PTP4A1: variants seen among roughly 807,000 people sequenced by gnomAD.
The protein encoded by PTP4A1 is protein tyrosine phosphatase 4A1, also known as protein tyrosine phosphatase type IVA 1.
PTP4A1 carries 9 observed loss-of-function variants against 20.5 expected under a neutral mutation model. That is an observed-to-expected ratio of 0.44 (90% CI 0.26 to 0.77). The LOEUF is 0.77. PTP4A1 is among the 30% of genes least tolerant of loss of function. PTP4A1 has a pLI of 0.19. For synonymous variants in PTP4A1, 78 were observed against 67.4 expected, an observed-to-expected ratio of 1.16 and a Z score of -0.77; for missense variants, 137 against 218.8, an observed-to-expected ratio of 0.63 and a Z score of 2.36.
upstream of PTP4A1, among the ~76,000 whole-genome samples, chr6:63,521,267 A>C (rs1774916214): frequency 6.6e-6 from 1 of 152,212 alleles, no homozygotes; most frequent in Non-Finnish European, 1.5e-5. Flanking sequence ...GAAAAGAAAA[A>C]AACGGCAAAT....
chr6:63,532,336 G>T lies in PTP4A1; in HGVS notation c.-640+4252G>T, dbSNP rs144799548. ...GTTGTTTTTTGATCTTTTCCTATAAGATTTTCCACAGTTTAGCTTCTGGAT... is the reference window on the plus strand; with the variant it reads ...GTTGTTTTTTGATCTTTTCCTATAATATTTTCCACAGTTTAGCTTCTGGAT... On this transcript the variant is annotated intron_variant, in intron 2 of 3. Coordinates refer to the PTP4A1 transcript ENST00000639568. Among the ~76,000 whole-genome samples the T allele has an allele frequency of 2.0e-3, 309 of 152,098 alleles. 1 individual carries two copies. Among genetic ancestry groups the T allele is most frequent in the Middle Eastern group, 0.014 (4 of 294 alleles).
chr6:63,576,027 T>A (rs1250198350), intron 1 of PTP4A1, among the ~76,000 whole-genome samples: 1 of 151,472 alleles, frequency 6.6e-6, no homozygotes, highest in Non-Finnish European at 1.5e-5. Flanking sequence ...ATAAAGTGTA[T>A]GTAATTACAA....
chr6:63,572,589 C>G lies in PTP4A1; in HGVS notation c.-576C>G, dbSNP rs955327684. The G allele has an allele frequency of 2.4e-6, 1 of 416,264 alleles. No homozygotes were observed. Among genetic ancestry groups the G allele is most frequent in the East Asian group, 3.5e-5 (1 of 28,484 alleles). The allele number at this position is 416,264 out of a possible 1,614,324, so 25.8% of individuals were successfully genotyped here. ...CTGGTGCCCCCGCCGCCGCCTGCAT[C>G]GCCGCCACCGCCGCTCCGCCACGAC... On this transcript the variant is annotated 5_prime_UTR_variant, in exon 1 of 6. It adds an upstream start codon to the 5' untranslated region. Transcript: ENST00000626021.
chr6:63,564,896 C>T (rs1172477630), intron 3 of PTP4A1, among the ~76,000 whole-genome samples: 2 of 152,220 alleles, frequency 1.3e-5, no homozygotes, highest in Admixed American at 6.5e-5. Flanking sequence ...GCAAAACAGT[C>T]ATGAGTTATG....
rs753010335 is a variant in PTP4A1, at chr6:63,576,965, A to T, written c.85A>T (p.Thr29Ser). 1.2e-6 allele frequency: 2 copies of T among 1,612,440 alleles called. No individual in the cohort carries two copies. Among genetic ancestry groups the T allele is most frequent in the African/African-American group, 2.7e-5 (2 of 74,896 alleles). The change falls in exon 2 of 6, where the codon ACC (threonine) becomes TCC (serine). Residue 29 changes from threonine (T) to serine (S), a missense_variant. Physicochemically the swap from Thr to Ser is moderately conservative, Grantham distance 58. Coordinates refer to ENST00000626021, the MANE Select transcript of PTP4A1 (RefSeq NM_003463.5). ...FLITHNPTNA[T>S]LNKFIEELKK... ...TATTACACACAATCCAACCAATGCG[A>T]CCTTAAACAAATTTATAGAGGTAAG... is the stretch of plus-strand genomic sequence containing the variant.
chr6:63,531,857 T>G (rs1455029780), intron 2 of PTP4A1, among the ~76,000 whole-genome samples: 1 of 151,812 alleles, frequency 6.6e-6, no homozygotes, highest in East Asian at 1.9e-4. Flanking sequence ...AGACAGAGTC[T>G]TGCTCTATCA....
chr6:63,542,568 T>C (rs1453779758), intron 2 of PTP4A1, among the ~76,000 whole-genome samples: 1 of 152,170 alleles, frequency 6.6e-6, no homozygotes, highest in East Asian at 1.9e-4. Flanking sequence ...CCAATCTCTC[T>C]TCAGTTCAGT....
intron 2 of PTP4A1, among the ~76,000 whole-genome samples, chr6:63,531,724 C>T (rs1349076931): frequency 1.3e-5 from 2 of 151,988 alleles, no homozygotes; most frequent in African/African-American, 4.8e-5. Flanking sequence ...CTACTGGACT[C>T]AAGTGACCCA....
intron 1 of PTP4A1, among the ~76,000 whole-genome samples, chr6:63,572,996 G>C (rs991350333): frequency 2.0e-5 from 3 of 152,136 alleles, no homozygotes; most frequent in Admixed American, 2.0e-4. Context: ...GGAGCGACGG[G>C]GGCGGCGCGG....
At chr6:63,538,930 T>C (rs1775834812) in intron 2 of PTP4A1, among the ~76,000 whole-genome samples, 1 of 152,218 alleles carries the variant, frequency 6.6e-6, no homozygotes, top group African/African-American at 2.4e-5. Context: ...TCTCACTCTG[T>C]CACCCAGGCT....
intron 3 of PTP4A1, among the ~76,000 whole-genome samples, chr6:63,552,884 T>G (rs1159697141): frequency 3.3e-5 from 5 of 152,056 alleles, no homozygotes; most frequent in Admixed American, 3.3e-4. Flanking sequence ...GTTCTGTATC[T>G]CTGTTTTGGT....
At chr6:63,547,641 G>A (rs1562119618) in intron 2 of PTP4A1, among the ~76,000 whole-genome samples, 1 of 151,252 alleles carries the variant, frequency 6.6e-6, no homozygotes, top group Non-Finnish European at 1.5e-5. Flanking sequence ...GAGTAGCTGG[G>A]ACTACAGGTG....
At chr6:63,576,282 C>A (rs911268931) in intron 1 of PTP4A1, among the ~76,000 whole-genome samples, 154 bp from the exon 2 acceptor site, 4 of 151,890 alleles carry the variant, frequency 2.6e-5, no homozygotes, top group African/African-American at 7.3e-5. Flanking sequence ...TGTACTCACC[C>A]CTTGAGTTTT....
At chr6:63,533,250 C>T (rs962383786) in intron 2 of PTP4A1, among the ~76,000 whole-genome samples, 9 of 152,008 alleles carry the variant, frequency 5.9e-5, no homozygotes, top group Non-Finnish European at 1.2e-4. Context: ...GATGTGGTGG[C>T]GCACACCTGT....
At chr6:63,558,956 G>A (rs1047851890) in intron 3 of PTP4A1, among the ~76,000 whole-genome samples, 15 of 152,302 alleles carry the variant, frequency 9.8e-5, no homozygotes, top group Middle Eastern at 3.4e-3. Context: ...CACATAGTAA[G>A]CACTGAATAA....
At chr6:63,533,819 C>T (rs1775580365) in intron 2 of PTP4A1, among the ~76,000 whole-genome samples, 1 of 146,648 alleles carries the variant, frequency 6.8e-6, no homozygotes. Context: ...TAGCAAATTC[C>T]TGAACAAACT....
intron 2 of PTP4A1, among the ~76,000 whole-genome samples, chr6:63,529,455 T>C (rs1222134762): frequency 1.3e-5 from 2 of 152,148 alleles, no homozygotes; most frequent in Non-Finnish European, 2.9e-5. Context: ...ACTTTGCTTC[T>C]CTCACTCCTG....
At chr6:63,577,979 A>T (rs1410899044) in intron 2 of PTP4A1, among the ~76,000 whole-genome samples, 1 of 107,494 alleles carries the variant, frequency 9.3e-6, no homozygotes, top group Non-Finnish European at 1.8e-5. Context: ...TGTAGTTAAG[A>T]CTTCATTCAA....
At chr6:63,578,870 A>T (rs1326631941) in intron 3 of PTP4A1, 28 bp from the exon 4 acceptor site, 2 of 1,488,234 alleles carry the variant, frequency 1.3e-6, no homozygotes, top group Admixed American at 4.8e-5. Flanking sequence ...TTAATGATCT[A>T]AAATGTTTAA....
Sources: gnomAD v4.1 joint callset for allele counts (sites outside exome capture counted in the v4.1 genomes callset) on GRCh38, gnomAD v4.1.1 for gene constraint, MANE v1.5 for transcripts, NCBI Gene and HGNC (gene_info 2026-07-23, HGNC 2026-07-21) for gene names.